Variants in CDH18 observed in about 807,000 individuals in gnomAD.
The protein encoded by CDH18 is cadherin 18, also known as cadherin-18.
CDH18 carries 31 observed loss-of-function variants against 67.9 expected under a neutral mutation model. That is an observed-to-expected ratio of 0.46 (90% CI 0.34 to 0.62). The LOEUF is 0.62. Ranked by LOEUF, CDH18 falls within the 20% of genes least tolerant of loss-of-function variation. The pLI is 0.01. For missense variants in CDH18, 890 were observed against 975.5 expected (o/e 0.91, Z 1.17); for synonymous variants, 362 against 347.2 (o/e 1.04, Z -0.48).
At chr5:19,725,226 CAT>C (rs1303825276) in intron 4 of CDH18, among the ~76,000 whole-genome samples, 1 of 151,938 alleles carries the variant, frequency 6.6e-6, no homozygotes, top group Non-Finnish European at 1.5e-5. Context: ...GCACCCGGCC[CAT>C]ATTAGGGACT....
intron 2 of CDH18, among the ~76,000 whole-genome samples, chr5:19,880,141 A>C (rs1009704509): frequency 6.6e-6 from 1 of 152,058 alleles, no homozygotes; most frequent in East Asian, 1.9e-4. Context: ...GGTAAACTCT[A>C]TATGTACTTC....
At chr5:20,180,360 A>T (rs1737587572) in intron 2 of CDH18, among the ~76,000 whole-genome samples, 2 of 152,118 alleles carry the variant, frequency 1.3e-5, no homozygotes, top group Non-Finnish European at 2.9e-5. Context: ...TAGTCTAACC[A>T]GTTGTCTAGC....
intron 2 of CDH18, among the ~76,000 whole-genome samples, chr5:19,877,620 G>A (rs145534340): frequency 2.0e-5 from 3 of 152,206 alleles, no homozygotes; most frequent in Middle Eastern, 6.8e-3. Context: ...TAGTAACATA[G>A]ATTGAAAAAA....
chr5:19,908,323 G>A (rs1420327116), intron 2 of CDH18, among the ~76,000 whole-genome samples: 1 of 152,000 alleles, frequency 6.6e-6, no homozygotes, highest in South Asian at 2.1e-4. Context: ...ATACAGAAAT[G>A]AAAACTTTAA....
At chr5:20,340,659 T>C (rs892556536) in intron 1 of CDH18, among the ~76,000 whole-genome samples, 1 of 152,036 alleles carries the variant, frequency 6.6e-6, no homozygotes, top group African/African-American at 2.4e-5. Flanking sequence ...CTCCAATGGC[T>C]CAGACTGCTA....
chr5:20,466,973 A>G (rs1751674290), intron 1 of CDH18, among the ~76,000 whole-genome samples: 1 of 152,154 alleles, frequency 6.6e-6, no homozygotes. Context: ...TTGCAGGAAA[A>G]GGAGAGGGAT....
At chr5:20,384,187 C>T (rs1252166153) in intron 1 of CDH18, among the ~76,000 whole-genome samples, 1 of 152,136 alleles carries the variant, frequency 6.6e-6, no homozygotes, top group East Asian at 1.9e-4. Flanking sequence ...TGTTGCATGA[C>T]AGACCTCTAT....
At chr5:19,866,268 A>G (rs1004603109) in intron 2 of CDH18, among the ~76,000 whole-genome samples, 2 of 152,216 alleles carry the variant, frequency 1.3e-5, no homozygotes, top group Non-Finnish European at 2.9e-5. Context: ...CATAATCAGT[A>G]TAATCAAATT....
intron 11 of CDH18, among the ~76,000 whole-genome samples, chr5:19,490,138 TA>T (rs1305512643): frequency 6.7e-5 from 10 of 150,282 alleles, no homozygotes; most frequent in South Asian, 2.1e-4. Flanking sequence ...TTATAAACAC[TA>T]AAAAAAAATT....
intron 2 of CDH18, among the ~76,000 whole-genome samples, chr5:19,840,359 C>T (rs911904963): frequency 1.7e-4 from 25 of 149,624 alleles, no homozygotes; most frequent in African/African-American, 5.6e-4. Flanking sequence ...AAGTAAAACA[C>T]GAAAAACATT....
chr5:19,667,494 A>AT (rs1758130042), intron 5 of CDH18, among the ~76,000 whole-genome samples: 1 of 111,760 alleles, frequency 8.9e-6, no homozygotes, highest in South Asian at 3.8e-4. Flanking sequence ...TATATGTTAT[A>AT]TATATATATA....
intron 2 of CDH18, among the ~76,000 whole-genome samples, chr5:20,173,418 C>T (rs189212076): frequency 1.3e-5 from 2 of 152,218 alleles, no homozygotes; most frequent in Non-Finnish European, 2.9e-5. Context: ...AGCTTTCAGA[C>T]AGAAGGTTCT....
intron 2 of CDH18, among the ~76,000 whole-genome samples, chr5:19,855,707 G>A (rs1342484427): frequency 6.6e-6 from 1 of 152,058 alleles, no homozygotes; most frequent in Non-Finnish European, 1.5e-5. Flanking sequence ...TTTTCCAGTA[G>A]TAATGGTTTA....
At chr5:20,095,355 G>GAAAGA (rs1214825517) in intron 2 of CDH18, among the ~76,000 whole-genome samples, 20 of 91,588 alleles carry the variant, frequency 2.2e-4, no homozygotes, top group African/African-American at 7.6e-4. Flanking sequence ...AAGAAAGAAA[G>GAAAGA]AAAGAAAAGA....
intron 2 of CDH18, among the ~76,000 whole-genome samples, chr5:20,149,512 G>C (rs1001673396): frequency 2.6e-5 from 4 of 152,114 alleles, no homozygotes; most frequent in African/African-American, 9.7e-5. Context: ...ACTGCTATCA[G>C]TTGTTAGACA....
At chr5:19,580,964 A>T (rs990034076) in intron 7 of CDH18, among the ~76,000 whole-genome samples, 1 of 151,968 alleles carries the variant, frequency 6.6e-6, no homozygotes, top group Non-Finnish European at 1.5e-5. Context: ...TTTATTATTA[A>T]GTTAAAAATG....
intron 2 of CDH18, among the ~76,000 whole-genome samples, chr5:20,025,079 A>G (rs1351873482): frequency 6.6e-6 from 1 of 152,210 alleles, no homozygotes; most frequent in East Asian, 1.9e-4. Flanking sequence ...CTTCTGCCCA[A>G]AATAGCCTGT....
At chr5:20,393,740 A>G (rs1745053624) in intron 1 of CDH18, among the ~76,000 whole-genome samples, 1 of 152,088 alleles carries the variant, frequency 6.6e-6, no homozygotes, top group Non-Finnish European at 1.5e-5. Context: ...AATCAAGCTG[A>G]GAATCAAATC....
At chr5:20,313,553 A>G (rs971939987) in intron 1 of CDH18, among the ~76,000 whole-genome samples, 53 of 152,094 alleles carry the variant, frequency 3.5e-4, no homozygotes, top group African/African-American at 8.5e-4. Context: ...TTGTGCTGCA[A>G]TTGTTTATTA....
Sources: gnomAD v4.1 joint callset for allele counts (sites outside exome capture counted in the v4.1 genomes callset) on GRCh38, gnomAD v4.1.1 for gene constraint, MANE v1.5 for transcripts, NCBI Gene and HGNC (gene_info 2026-07-23, HGNC 2026-07-21) for gene names.